HTR2C: variants seen among roughly 807,000 people sequenced by gnomAD.
HTR2C encodes the protein 5-hydroxytryptamine (serotonin) receptor 2C, G protein-coupled.
In HTR2C, 5 loss-of-function variants were observed where a neutral mutation model predicts 21.0. The observed-to-expected ratio is 0.24, with a 90% CI of 0.12 to 0.50. The LOEUF is 0.50. Among genes scored for constraint, HTR2C ranks in the 20% least tolerant of loss-of-function variants. The probability of loss-of-function intolerance (pLI) is 0.98; values close to 1 mark genes in which losing one functional copy is unlikely to be tolerated. For synonymous variants in HTR2C, 150 were observed against 145.3 expected (o/e 1.03, Z -0.23); for missense variants, 271 against 371.2 (o/e 0.73, Z 2.22).
intron 5 of HTR2C, among the ~76,000 whole-genome samples, chrX:114,862,100 G>A (rs962587207): frequency 5.4e-5 from 6 of 111,123 alleles, no homozygotes; most frequent in Non-Finnish European, 7.6e-5. Flanking sequence ...TCTTCTAAGA[G>A]ATTTACAGTG....
intron 4 of HTR2C, among the ~76,000 whole-genome samples, chrX:114,760,757 A>G (rs975082913): frequency 2.7e-5 from 3 of 111,371 alleles, no homozygotes. Flanking sequence ...TCCTGGGCTC[A>G]AGCAATCCTC....
chrX:114,727,114 T>G, intron 3 of HTR2C, 143 bp downstream of exon 3: 1 of 372,463 alleles, frequency 2.7e-6, no homozygotes, highest in Non-Finnish European at 4.4e-6. Context: ...AGACTAATAT[T>G]ATGGGTGTTT....
intron 3 of HTR2C, among the ~76,000 whole-genome samples, chrX:114,728,737 C>T (rs782308100): frequency 9.0e-6 from 1 of 111,240 alleles, no homozygotes; most frequent in Non-Finnish European, 1.9e-5. Flanking sequence ...CTACTTGAAA[C>T]AGTCCAAACT....
At position 114,653,845 on chromosome X, in the gene HTR2C, G is replaced by C. The variant is rs782628734; in HGVS notation, c.-80+39964G>C. Among the ~76,000 whole-genome samples, 5 of 111,019 alleles carry C rather than the reference G, an allele frequency of 4.5e-5. No individual in the cohort carries two copies. In the East Asian group the frequency reaches 1.4e-3, roughly 31 times the overall value. Reference sequence around the variant, plus strand: ...TAAATATACTAATCTAAGAAAATCAGTATAGGAAGATTAATCTGACTTCTG... The same window carrying C: ...TAAATATACTAATCTAAGAAAATCACTATAGGAAGATTAATCTGACTTCTG... On this transcript the variant is annotated intron_variant, in intron 2 of 5. Transcript: ENST00000276198.
At chrX:114,749,073 G>C (rs2069732414) in intron 4 of HTR2C, among the ~76,000 whole-genome samples, 1 of 109,842 alleles carries the variant, frequency 9.1e-6, no homozygotes, top group Non-Finnish European at 1.9e-5. Context: ...TATTTGAACA[G>C]ACACTTCACC....
intron 2 of HTR2C, among the ~76,000 whole-genome samples, chrX:114,637,015 T>C (rs1175297258): frequency 9.0e-6 from 1 of 111,614 alleles, no homozygotes; most frequent in African/African-American, 3.3e-5. Context: ...TTCAGGAAAA[T>C]ATTCATAGTC....
At chrX:114,775,832 A>C in intron 4 of HTR2C, 1 of 391,504 alleles carries the variant, frequency 2.6e-6, no homozygotes, top group Non-Finnish European at 4.6e-6. Context: ...GGCTTTTTAT[A>C]CAGGGCCAAG....
chrX:114,633,404 G>A (rs1929706740), intron 2 of HTR2C, among the ~76,000 whole-genome samples: 1 of 111,785 alleles, frequency 8.9e-6, no homozygotes, highest in South Asian at 3.7e-4. Flanking sequence ...TCTAAAAAAT[G>A]CTTCTTTCCT....
At chrX:114,882,298 T>C (rs1281423618) in intron 5 of HTR2C, among the ~76,000 whole-genome samples, 1 of 110,812 alleles carries the variant, frequency 9.0e-6, no homozygotes, top group Non-Finnish European at 1.9e-5. Flanking sequence ...CTAACAAAGA[T>C]AGTTTTAAAT....
At chrX:114,638,944 G>T (rs1354706019) in intron 2 of HTR2C, among the ~76,000 whole-genome samples, 2 of 110,103 alleles carry the variant, frequency 1.8e-5, no homozygotes, top group African/African-American at 6.6e-5. Flanking sequence ...ATTTGGATTG[G>T]TTCCAAGTCT....
chrX:114,638,133 A>T, intron 2 of HTR2C, among the ~76,000 whole-genome samples: 1 of 111,684 alleles, frequency 9.0e-6, no homozygotes, highest in East Asian at 2.8e-4. Flanking sequence ...TTTCCAAACA[A>T]ACCTACTTAA....
At chrX:114,598,149 G>A (rs1444872549) in intron 1 of HTR2C, among the ~76,000 whole-genome samples, 1 of 111,840 alleles carries the variant, frequency 8.9e-6, no homozygotes, top group African/African-American at 3.3e-5. Flanking sequence ...AGAGAAGATT[G>A]TAAGAGCACA....
At chrX:114,792,258 C>T (rs943276496) in intron 4 of HTR2C, among the ~76,000 whole-genome samples, 1 of 111,039 alleles carries the variant, frequency 9.0e-6, no homozygotes, top group Admixed American at 9.6e-5. Flanking sequence ...GCTATTTGTC[C>T]TGATGTTCTC....
At chrX:114,799,222 T>C (rs993320947) in intron 4 of HTR2C, among the ~76,000 whole-genome samples, 11 of 111,164 alleles carry the variant, frequency 9.9e-5, no homozygotes, top group Non-Finnish European at 1.7e-4. Flanking sequence ...CACTAGTGAA[T>C]TTCAAGGGAT....
At chrX:114,613,909 G>T (rs1928846966) in intron 2 of HTR2C, 28 bp downstream of exon 2, 1 of 111,681 alleles carries the variant, frequency 9.0e-6, no homozygotes, top group Admixed American at 9.6e-5. Flanking sequence ...CGTGCCTCAA[G>T]ACTCTTATTT....
chrX:114,706,676 A>G (rs1483921925), intron 2 of HTR2C, among the ~76,000 whole-genome samples: 196 of 107,977 alleles, frequency 1.8e-3, no homozygotes, highest in Non-Finnish European at 3.3e-3. Flanking sequence ...TAACCTACAC[A>G]TTGTACACAT....
At chrX:114,771,915 GA>G (rs1281309595) in intron 4 of HTR2C, among the ~76,000 whole-genome samples, 4 of 111,950 alleles carry the variant, frequency 3.6e-5, no homozygotes, top group Non-Finnish European at 7.5e-5. Context: ...TTGAAATATT[GA>G]AAGTGTTCTA....
At chrX:114,730,281 C>T (rs2069523163) in intron 3 of HTR2C, among the ~76,000 whole-genome samples, 1 of 111,900 alleles carries the variant, frequency 8.9e-6, no homozygotes, top group African/African-American at 3.2e-5. Flanking sequence ...AATAGCCTGC[C>T]ACCTGGCCTG....
At chrX:114,640,290 T>C (rs1278214815) in intron 2 of HTR2C, among the ~76,000 whole-genome samples, 1 of 111,665 alleles carries the variant, frequency 9.0e-6, no homozygotes, top group East Asian at 2.8e-4. Flanking sequence ...CTTAAATGTA[T>C]TTTACATTCA....
Sources: allele counts gnomAD v4.1 joint callset (sites outside exome capture counted in the v4.1 genomes callset), GRCh38; gene constraint gnomAD v4.1.1; transcripts MANE v1.5; gene names NCBI Gene and HGNC (gene_info 2026-07-23, HGNC 2026-07-21).